PCDHGA5: variants seen among roughly 807,000 people sequenced by gnomAD.
PCDHGA5 encodes protocadherin gamma-A5.
In PCDHGA5, 36 loss-of-function variants were observed where a neutral mutation model predicts 56.7. The ratio of observed to expected loss-of-function variants is 0.64; its 90% CI spans 0.49 to 0.84. The LOEUF is 0.84. Ranked by LOEUF, PCDHGA5 falls within the 40% of genes least tolerant of loss-of-function variation. PCDHGA5 has a pLI of 0.00. For missense variants in PCDHGA5, 1,305 were observed against 1,201.5 expected (o/e 1.09, Z -1.27); for synonymous variants, 563 against 520.2 (o/e 1.08, Z -1.12).
At chr5:141,421,017 T>TGC (rs1489188484) in intron 1 of PCDHGA5, 1 of 518,776 alleles carries the variant, frequency 1.9e-6, no homozygotes, top group African/African-American at 2.0e-5. Flanking sequence ...AATGGGAAGC[T>TGC]GCGCGCCATT....
chr5:141,365,210 C>A lies in PCDHGA5; in HGVS notation c.880C>A (p.Leu294Ile). ...AGAAAAAATTTCGGAGACTTTCCAA[C>A]TTGATTCCAACCTGGGGGAAATCTC... ...EEEKISETFQLDSNLGEISTL... is the reference protein window; with the variant it reads ...EEEKISETFQIDSNLGEISTL... The change falls in exon 1 of 4, where the codon CTT becomes ATT. Residue 294 changes from leucine to isoleucine, a missense_variant. Physicochemically the swap from Leu to Ile is conservative, Grantham distance 5. Transcript: ENST00000518069. 2 of 1,613,928 alleles carry A rather than the reference C, an allele frequency of 1.2e-6. No homozygotes were observed. The highest frequency in any genetic ancestry group is 1.7e-6 in the Non-Finnish European group (2 of 1,179,886).
At chr5:141,415,966 C>A in intron 1 of PCDHGA5, 1 of 405,602 alleles carries the variant, frequency 2.5e-6, no homozygotes, top group East Asian at 5.2e-5. Context: ...AAACTCCAGC[C>A]CCTTAAGCAA....
intron 1 of PCDHGA5, chr5:141,372,113 G>T (rs1466708600): frequency 1.9e-6 from 3 of 1,613,786 alleles, no homozygotes; most frequent in Non-Finnish European, 2.5e-6. Flanking sequence ...AAGGCTCTGC[G>T]CTCTTCGATA....
At chr5:141,382,924 G>A in intron 1 of PCDHGA5, 1 of 1,568,666 alleles carries the variant, frequency 6.4e-7, no homozygotes, top group Non-Finnish European at 8.7e-7. Flanking sequence ...GAGGGGCGGG[G>A]ACTACAGAGG....
At chr5:141,372,450 G>A in intron 1 of PCDHGA5, 1 of 1,614,034 alleles carries the variant, frequency 6.2e-7, no homozygotes, top group South Asian at 1.1e-5. Flanking sequence ...TGACCCTCAG[G>A]CGGAGCTACA....
At chr5:141,368,540 A>AT (rs34785174) in intron 1 of PCDHGA5, among the ~76,000 whole-genome samples, 26 of 152,116 alleles carry the variant, frequency 1.7e-4, no homozygotes, top group South Asian at 6.2e-4. Flanking sequence ...TTGCTTTTCC[A>AT]TTTTTTTTAA....
At position 141,431,416 on chromosome 5, in the gene PCDHGA5, C is replaced by T. The variant is rs778722151; in HGVS notation, c.2422-63391C>T. Reference sequence around the variant, plus strand: ...TCCTTACGGCCTCCGACGGGGGCGACCCGGTGCGCACAGGCACCGCGCGCA... The same window carrying T: ...TCCTTACGGCCTCCGACGGGGGCGATCCGGTGCGCACAGGCACCGCGCGCA... On this transcript the variant is annotated intron_variant, in intron 1 of 3. Transcript: ENST00000518069. This position sits in a 1 kb window ranked among gnomAD's most constrained non-coding sequence, Gnocchi z 4.8. 2.5e-6 allele frequency: 4 copies of T among 1,613,714 alleles called. No homozygotes were observed. Among genetic ancestry groups the T allele is most frequent in the Admixed American group, 1.7e-5 (1 of 60,028 alleles).
chr5:141,483,009 C>T (rs538900128), intron 1 of PCDHGA5, among the ~76,000 whole-genome samples: 4 of 151,942 alleles, frequency 2.6e-5, no homozygotes, highest in Non-Finnish European at 5.9e-5. Flanking sequence ...TGCTTGAACC[C>T]GGGAGGCAGA....
chr5:141,507,202 C>G (rs2099859138), intron 3 of PCDHGA5: 1 of 152,356 alleles, frequency 6.6e-6, no homozygotes, highest in Non-Finnish European at 1.5e-5. Flanking sequence ...TCTTCCAGAT[C>G]AGGGTTGCCA....
chr5:141,398,905 A>G lies in PCDHGA5; in HGVS notation c.2421+32154A>G, dbSNP rs200564636. ...TCGGGAAAACGTGCCACCAGGCACC[A>G]CTGTGTTGCAAGTGTCAGCCACTGA... On this transcript the variant is annotated intron_variant, in intron 1 of 3. Coordinates refer to ENST00000518069, the MANE Select transcript of PCDHGA5 (RefSeq NM_018918.3). 1.2e-3 allele frequency: 1,935 copies of G among 1,613,984 alleles called. 4 individuals carry two copies. Among genetic ancestry groups the G allele is most frequent in the Middle Eastern group, 3.5e-3 (21 of 6,062 alleles).
At chr5:141,373,405 C>A (rs1435253016) in intron 1 of PCDHGA5, among the ~76,000 whole-genome samples, 1 of 152,208 alleles carries the variant, frequency 6.6e-6, no homozygotes, top group Non-Finnish European at 1.5e-5. Context: ...TGCCTGTAGT[C>A]CCAGCTACTC....
At chr5:141,448,639 T>C (rs1248697237) in intron 1 of PCDHGA5, among the ~76,000 whole-genome samples, 1 of 152,148 alleles carries the variant, frequency 6.6e-6, no homozygotes, top group Non-Finnish European at 1.5e-5. Context: ...CATTATATCC[T>C]TTAAAAATAT....
intron 1 of PCDHGA5, chr5:141,375,243 C>G: frequency 6.2e-7 from 1 of 1,613,896 alleles, no homozygotes; most frequent in Non-Finnish European, 8.5e-7. Flanking sequence ...TGTTCCATCC[C>G]GAGAAGTCTC....
In PCDHGA5 at chr5:141,412,947, C is replaced by T. The variant is rs930035804; in HGVS notation, c.2421+46196C>T. On this transcript the variant is annotated intron_variant, in intron 1 of 3. Coordinates refer to ENST00000518069, the MANE Select transcript of PCDHGA5 (RefSeq NM_018918.3). ...AGTAACTTCTTAGGACTCTGAGCGC[C>T]GCTGTTCACCTACTAGGAGAGAAAA... is the stretch of plus-strand genomic sequence containing the variant. The T allele has an allele frequency of 2.3e-5, 11 of 475,008 alleles. No individual in the cohort carries two copies. The Middle Eastern group carries it at 2.2e-3, about 94-fold the overall frequency. 29.4% of individuals were successfully genotyped at this position (475,008 alleles called of 1,614,324 possible). A position where few individuals can be genotyped will look rare whatever the true frequency, so the allele number is the denominator to read the frequency against.
chr5:141,498,273 A>G (rs1595516143), intron 2 of PCDHGA5, among the ~76,000 whole-genome samples: 1 of 152,038 alleles, frequency 6.6e-6, no homozygotes, highest in East Asian at 1.9e-4. Flanking sequence ...TCTTCAGTAA[A>G]CTTGGTTCAA....
rs1408418320 is a variant in PCDHGA5, at chr5:141,365,875, T to C, written c.1545T>C (p.Tyr515=). The part of the protein sequence containing the change: ...VSINSDTGVL[Y]ALRSFDYEQL... ...TTAACTCTGACACCGGTGTCCTGTA[T>C]GCTCTGAGATCCTTCGACTATGAGC... is the stretch of plus-strand genomic sequence containing the variant. The change falls in exon 1 of 4, where the codon TAT becomes TAC. Residue 515 remains tyrosine, a synonymous_variant. Transcript: ENST00000518069. The C allele has an allele frequency of 6.2e-7, 1 of 1,614,106 alleles. No homozygotes were observed. Among genetic ancestry groups the C allele is most frequent in the South Asian group, 1.1e-5 (1 of 91,088 alleles).
At chr5:141,415,205 C>A (rs2095843771) in intron 1 of PCDHGA5, 2 of 1,614,040 alleles carry the variant, frequency 1.2e-6, no homozygotes, top group Non-Finnish European at 1.7e-6. Context: ...CAAGTCCTGG[C>A]GGACCTCGGC....
At chr5:141,504,306 G>A (rs2099837315) in intron 2 of PCDHGA5, among the ~76,000 whole-genome samples, 1 of 152,076 alleles carries the variant, frequency 6.6e-6, no homozygotes, top group South Asian at 2.1e-4. Context: ...AACACTCGGA[G>A]TTTCTAAAAG....
At chr5:141,398,867 A>G (rs375842913) in intron 1 of PCDHGA5, 18 of 1,613,862 alleles carry the variant, frequency 1.1e-5, no homozygotes, top group Non-Finnish European at 1.4e-5. Context: ...CGAGACGTGT[A>G]CAGAGTCAGC....
Sources: allele counts gnomAD v4.1 joint callset (sites outside exome capture counted in the v4.1 genomes callset), GRCh38; gene constraint gnomAD v4.1.1; non-coding constraint Gnocchi (gnomAD v3.1); transcripts MANE v1.5; gene names NCBI Gene and HGNC (gene_info 2026-07-23, HGNC 2026-07-21).